Variants in SEC31A observed in about 807,000 individuals in gnomAD.
SEC31A encodes the protein SEC31 homolog A, COPII component, also known as protein transport protein Sec31A.
In SEC31A, 70 loss-of-function variants were observed where a neutral mutation model predicts 151.0. The observed-to-expected ratio is 0.46, with a 90% CI of 0.38 to 0.57. The LOEUF (loss-of-function observed/expected upper bound fraction) is 0.57, where lower values mean the gene tolerates loss of function less well. Ranked by LOEUF, SEC31A falls within the 20% of genes least tolerant of loss-of-function variation. SEC31A has a pLI of 0.00. For missense variants in SEC31A, 1,330 were observed against 1,471.2 expected (o/e 0.90, Z 1.57); for synonymous variants, 475 against 505.9 (o/e 0.94, Z 0.82).
chr4:82,841,663 AAAC>A (rs1374366278), intron 22 of SEC31A, among the ~76,000 whole-genome samples: 4 of 149,362 alleles, frequency 2.7e-5, no homozygotes, highest in East Asian at 2.0e-4. Flanking sequence ...AAAACCCCAA[AAAC>A]AACAACAACA....
At chr4:82,845,050 C>A in intron 20 of SEC31A, 1 of 507,834 alleles carries the variant, frequency 2.0e-6, no homozygotes, top group South Asian at 3.5e-5. Flanking sequence ...CTAAAAACTG[C>A]TTCTTGCATC....
intron 20 of SEC31A, among the ~76,000 whole-genome samples, chr4:82,844,966 G>C (rs1729740990): frequency 6.6e-6 from 1 of 152,222 alleles, no homozygotes; most frequent in African/African-American, 2.4e-5. Flanking sequence ...AACCTTGGTT[G>C]GTGTTTTTGT....
intron 21 of SEC31A, among the ~76,000 whole-genome samples, chr4:82,843,023 C>T (rs1363537704): frequency 6.6e-6 from 1 of 152,132 alleles, no homozygotes; most frequent in Non-Finnish European, 1.5e-5. Flanking sequence ...TCTATGATCC[C>T]TAACAAAATT....
chr4:82,878,345 T>G (rs1040691556), intron 4 of SEC31A, among the ~76,000 whole-genome samples: 1 of 151,760 alleles, frequency 6.6e-6, no homozygotes, highest in African/African-American at 2.4e-5. Context: ...AGTACAAAAA[T>G]TAGCTGGGCG....
At chr4:82,899,008 T>C (rs773462675) in intron 3 of SEC31A, among the ~76,000 whole-genome samples, 3 of 152,084 alleles carry the variant, frequency 2.0e-5, no homozygotes. Flanking sequence ...GCTACATCCA[T>C]AAAATGGAGT....
Position 82,842,568 on chromosome 4 carries a change from T to C in SEC31A, c.2627-87A>G, listed in dbSNP as rs188258794. ...AAAACTAAAAAGTTATCTCAGTCTA[T>C]AGAAATGATTTTAATCAAAATAAGT... On this transcript the variant is annotated intron_variant, in intron 21 of 26. Coordinates refer to ENST00000395310, the MANE Select transcript of SEC31A (RefSeq NM_001077207.4). 54 of 976,448 alleles carry C rather than the reference T, an allele frequency of 5.5e-5. No homozygotes were observed. In the East Asian group the frequency reaches 9.0e-4, roughly 16 times the overall value. 60.5% of individuals were successfully genotyped at this position (976,448 alleles called of 1,614,324 possible). A position where few individuals can be genotyped will look rare whatever the true frequency, so the allele number is the denominator to read the frequency against.
intron 23 of SEC31A, among the ~76,000 whole-genome samples, chr4:82,828,685 A>AAAAAG (rs905508735): frequency 6.6e-6 from 1 of 150,378 alleles, no homozygotes; most frequent in African/African-American, 2.4e-5. Flanking sequence ...AAAAAAAAAA[A>AAAAAG]AAAAAAAAAA....
intron 1 of SEC31A, chr4:82,900,272 A>AT (rs900804022): frequency 6.5e-6 from 1 of 154,714 alleles, no homozygotes; most frequent in African/African-American, 2.4e-5. Flanking sequence ...TAAATCATAT[A>AT]TTTTTGGCCC....
Position 82,834,229 on chromosome 4 carries a change from G to A in SEC31A, c.2969-5171C>T, listed in dbSNP as rs575245777. 3.3e-5 allele frequency among the ~76,000 whole-genome samples: 5 copies of A among 152,310 alleles called. No individual in the cohort carries two copies. In the South Asian group the frequency reaches 8.3e-4, roughly 25 times the overall value. On this transcript the variant is annotated intron_variant, in intron 22 of 26. Transcript: ENST00000395310. ...ATGCACTCTCTAGCACCAGGCTTCA[G>A]CTTCTGGCTGAGAGAGGTAATATAA...
intron 3 of SEC31A, 143 bp from the exon 4 acceptor site, chr4:82,879,071 G>T: frequency 1.5e-6 from 1 of 648,590 alleles, no homozygotes; most frequent in East Asian, 2.7e-5. Flanking sequence ...AACTATGTAT[G>T]ACTTTGGTGT....
chr4:82,850,991 A>G (rs1731333625), intron 19 of SEC31A, among the ~76,000 whole-genome samples: 1 of 152,246 alleles, frequency 6.6e-6, no homozygotes, highest in Non-Finnish European at 1.5e-5. Context: ...TCAAACTAAA[A>G]TGGCATACAG....
At chr4:82,839,839 TCTGTTA>T (rs1008486596) in intron 22 of SEC31A, among the ~76,000 whole-genome samples, 3 of 152,226 alleles carry the variant, frequency 2.0e-5, no homozygotes, top group African/African-American at 7.2e-5. Flanking sequence ...GTTAAAACAT[TCTGTTA>T]CTTTGTATAT....
chr4:82,830,280 G>C lies in SEC31A; in HGVS notation c.2969-1222C>G, dbSNP rs180724336. Among the ~76,000 whole-genome samples, 925 of 152,238 alleles carry C rather than the reference G, an allele frequency of 6.1e-3. 5 individuals are homozygous for C. The highest frequency in any genetic ancestry group is 8.6e-3 in the Non-Finnish European group (587 of 68,028). ...GTTCGAGACCAGCCTGGCCAACATG[G>C]GGAAACCCCATCTCTACTAAAAATA... On this transcript the variant is annotated intron_variant, in intron 22 of 26. Transcript: ENST00000395310.
chr4:82,863,877 AC>A (rs1734708653), intron 11 of SEC31A, among the ~76,000 whole-genome samples: 2 of 152,160 alleles, frequency 1.3e-5, no homozygotes, highest in African/African-American at 4.8e-5. Context: ...GTATAAAGAA[AC>A]AGACATTCCA....
Position 82,875,805 on chromosome 4 carries a change from A to G in SEC31A, c.420T>C (p.Ser140=), listed in dbSNP as rs1210689947. ...VNIFQTNLVA[S]GANESEIYIW... is the part of the protein sequence containing the mutation. ...TGTAGATTTCAGATTCATTAGCACC[A>G]GAAGCTACCAGATTAGTCTGCAAGA... Residue 140 remains serine (S), a synonymous_variant, in exon 5 of 27, where the codon TCT becomes TCC. Coordinates refer to ENST00000395310, the MANE Select transcript of SEC31A (RefSeq NM_001077207.4). 1.2e-6 allele frequency: 2 copies of G among 1,601,594 alleles called. No individual in the cohort carries two copies. The highest frequency in any genetic ancestry group is 1.7e-6 in the Non-Finnish European group (2 of 1,172,676).
rs1219146513 is a variant in SEC31A, at chr4:82,861,725, AATTAC to A, written c.1549-22_1549-18del. The A allele has an allele frequency of 6.4e-7, 1 of 1,565,112 alleles. No homozygotes were observed. The highest frequency in any genetic ancestry group is 1.7e-5 in the Admixed American group (1 of 58,802). On this transcript the variant is annotated intron_variant, in intron 13 of 26. Transcript: ENST00000395310. ...TTTAAGAGCCTTTGGTACACAAAACAATTACAGGGGAAGGTGAAGAATGTAGTATT... is the reference window on the plus strand; with the variant it reads ...TTTAAGAGCCTTTGGTACACAAAACAAGGGGAAGGTGAAGAATGTAGTATT...
chr4:82,823,829 T>C (rs1723957371), intron 25 of SEC31A, among the ~76,000 whole-genome samples: 1 of 152,240 alleles, frequency 6.6e-6, no homozygotes, highest in Non-Finnish European at 1.5e-5. Context: ...TCTGAGTTTC[T>C]TGCATAGCAC....
chr4:82,852,601 A>G (rs952809461), intron 18 of SEC31A, among the ~76,000 whole-genome samples: 15 of 152,210 alleles, frequency 9.9e-5, no homozygotes, highest in African/African-American at 3.4e-4. Context: ...TTTTGTTTCA[A>G]TAGAGTGATC....
chr4:82,833,563 A>G (rs1035170887), intron 22 of SEC31A, among the ~76,000 whole-genome samples: 2 of 151,722 alleles, frequency 1.3e-5, no homozygotes, highest in African/African-American at 4.8e-5. Flanking sequence ...AGATTTGCAG[A>G]CTGAGCACAA....
Sources: allele counts gnomAD v4.1 joint callset (sites outside exome capture counted in the v4.1 genomes callset), GRCh38; gene constraint gnomAD v4.1.1; transcripts MANE v1.5; gene names NCBI Gene and HGNC (gene_info 2026-07-23, HGNC 2026-07-21).